Variants in KYNU observed in about 807,000 individuals in gnomAD.
KYNU encodes the protein L-kynurenine hydrolase.
In KYNU, 54 loss-of-function variants were observed where a neutral mutation model predicts 59.2. The ratio of observed to expected loss-of-function variants is 0.91; its 90% CI spans 0.73 to 1.14. The LOEUF (loss-of-function observed/expected upper bound fraction) is 1.14, where lower values mean the gene tolerates loss of function less well. Ranked by LOEUF, KYNU falls within the 50% of genes most tolerant of loss-of-function variation. The pLI is 0.00. For missense variants in KYNU, 567 were observed against 554.4 expected (o/e 1.02, Z -0.23); for synonymous variants, 177 against 192.0 (o/e 0.92, Z 0.65).
rs190283573 is a variant in KYNU, at chr2:142,959,692, C to A, written c.583-932C>A. ...TTTCAGCTCAAGTTGTTTGCAAGAC[C>A]AAATCTAAATTCATTCACAACCTTT... On this transcript the variant is annotated intron_variant, in intron 7 of 13. Coordinates refer to ENST00000264170, the MANE Select transcript of KYNU (RefSeq NM_003937.3). Among the ~76,000 whole-genome samples, 1,182 of 152,108 alleles carry A rather than the reference C, an allele frequency of 7.8e-3. 10 individuals are homozygous for A. The highest frequency in any genetic ancestry group is 0.02 in the Middle Eastern group (6 of 294).
At position 142,985,068 on chromosome 2, in the gene KYNU, T is replaced by G; in HGVS notation, c.730-16T>G. ...CATGAAGCAAACTTAAAGCTTATTA[T>G]TGTGTTCTTCCCTAGGGTTGTTATG... On this transcript the variant is annotated splice_polypyrimidine_tract_variant and intron_variant, in intron 8 of 13. Coordinates refer to ENST00000264170, the MANE Select transcript of KYNU (RefSeq NM_003937.3). The G allele has an allele frequency of 6.9e-7, 1 of 1,439,294 alleles. No individual in the cohort carries two copies. The highest frequency in any genetic ancestry group is 1.4e-5 in the African/African-American group (1 of 71,494). 89.2% of individuals were successfully genotyped at this position (1,439,294 alleles called of 1,614,324 possible).
intron 1 of KYNU, among the ~76,000 whole-genome samples, chr2:142,883,760 C>G (rs979391419): frequency 6.6e-6 from 1 of 152,190 alleles, no homozygotes; most frequent in African/African-American, 2.4e-5. Context: ...TGTCCCATTA[C>G]TCTGCTGTTT....
Position 142,975,628 on chromosome 2 carries a change from C to G in KYNU, c.730-9456C>G, listed in dbSNP as rs549012648. Among the ~76,000 whole-genome samples, 42 of 152,334 alleles carry G rather than the reference C, an allele frequency of 2.8e-4. 1 individual carries two copies. Among genetic ancestry groups the G allele is most frequent in the African/African-American group, 9.4e-4 (39 of 41,574 alleles). On this transcript the variant is annotated intron_variant, in intron 8 of 13. Coordinates refer to ENST00000264170, the MANE Select transcript of KYNU (RefSeq NM_003937.3). Reference sequence around the variant, plus strand: ...GCCCCAGCACACACTCGCCTGCATGCTCCCCCTCCCACAAGCAGCTGAGTA... The same window carrying G: ...GCCCCAGCACACACTCGCCTGCATGGTCCCCCTCCCACAAGCAGCTGAGTA...
At chr2:142,973,217 A>G (rs1684784471) in intron 8 of KYNU, among the ~76,000 whole-genome samples, 1 of 151,844 alleles carries the variant, frequency 6.6e-6, no homozygotes, top group South Asian at 2.1e-4. Context: ...TTTTCTTGGT[A>G]ATCTGAGACC....
At chr2:143,034,914 A>G (rs1686851726) in intron 12 of KYNU, among the ~76,000 whole-genome samples, 1 of 152,146 alleles carries the variant, frequency 6.6e-6, no homozygotes, top group Non-Finnish European at 1.5e-5. Context: ...AACTTCTCAG[A>G]CGTACCTGGA....
intron 12 of KYNU, among the ~76,000 whole-genome samples, chr2:143,034,819 G>C (rs1300101810): frequency 2.0e-5 from 3 of 152,208 alleles, no homozygotes; most frequent in Non-Finnish European, 4.4e-5. Flanking sequence ...AGCGAGATGT[G>C]TGACAATATC....
intron 4 of KYNU, among the ~76,000 whole-genome samples, chr2:142,946,725 AAACTT>A (rs1683793983): frequency 6.6e-6 from 1 of 152,206 alleles, no homozygotes; most frequent in Non-Finnish European, 1.5e-5. Context: ...ATATTGGCCT[AAACTT>A]AAAGTCATTA....
chr2:143,025,789 C>T (rs1401331645), intron 10 of KYNU, among the ~76,000 whole-genome samples: 2 of 152,042 alleles, frequency 1.3e-5, no homozygotes, highest in East Asian at 3.8e-4. Context: ...TTAAGTTTCT[C>T]ATAATGAATT....
At position 143,048,963 on chromosome 2, in the gene KYNU, A is replaced by G. The variant is rs1687215285; in HGVS notation, c.*6791A>G. 1 of 152,178 alleles carries G rather than the reference A, an allele frequency of 6.6e-6. No homozygotes were observed. Among genetic ancestry groups the G allele is most frequent in the Non-Finnish European group, 1.5e-5 (1 of 68,030 alleles). The allele number at this position is 152,178 out of a possible 1,614,324, so 9.4% of individuals were successfully genotyped here. A position where few individuals can be genotyped will look rare whatever the true frequency, so the allele number is the denominator to read the frequency against. On this transcript the variant is annotated 3_prime_UTR_variant, in exon 14 of 14. Coordinates refer to ENST00000264170, the MANE Select transcript of KYNU (RefSeq NM_003937.3). ...TTTGTCTTTAATGATCCGCATTTTTATTATGATGTGTCTAGGCAGTTATTA... is the reference window on the plus strand; with the variant it reads ...TTTGTCTTTAATGATCCGCATTTTTGTTATGATGTGTCTAGGCAGTTATTA...
chr2:143,049,337 T>A lies in KYNU; in HGVS notation c.*7165T>A, dbSNP rs949313561. On this transcript the variant is annotated 3_prime_UTR_variant, in exon 14 of 14. Coordinates refer to ENST00000264170, the MANE Select transcript of KYNU (RefSeq NM_003937.3). ...TAGTAGTGGACATTCTGGTTCCCCA[T>A]TGAGCTTCCCTGCATCAGCTGTTTT... 1 of 152,196 alleles carries A rather than the reference T, an allele frequency of 6.6e-6. No homozygotes were observed. Among genetic ancestry groups the A allele is most frequent in the Admixed American group, 6.5e-5 (1 of 15,268 alleles). 9.4% of individuals were successfully genotyped at this position (152,196 alleles called of 1,614,324 possible).
chr2:142,963,947 C>A (rs1431182574), intron 8 of KYNU, among the ~76,000 whole-genome samples: 2 of 152,232 alleles, frequency 1.3e-5, no homozygotes, highest in South Asian at 2.1e-4. Context: ...AATTTTTATT[C>A]TTTGAGCATT....
intron 10 of KYNU, among the ~76,000 whole-genome samples, chr2:143,024,226 G>A (rs1267189214): frequency 6.6e-6 from 1 of 151,868 alleles, no homozygotes; most frequent in Non-Finnish European, 1.5e-5. Flanking sequence ...ATTATGGATA[G>A]TGAGTAAAAC....
At chr2:143,002,934 A>G (rs1027405173) in intron 10 of KYNU, among the ~76,000 whole-genome samples, 2 of 152,210 alleles carry the variant, frequency 1.3e-5, no homozygotes, top group Non-Finnish European at 2.9e-5. Context: ...ATAATAGTCA[A>G]TGGCCCTATG....
intron 2 of KYNU, among the ~76,000 whole-genome samples, chr2:142,898,584 C>A (rs6755118): frequency 0.011 from 1,684 of 152,234 alleles, 30 homozygotes; most frequent in African/African-American, 0.038. Context: ...AACTCAAATA[C>A]CTAGCTAGTA....
At position 143,046,525 on chromosome 2, in the gene KYNU, CTTCT is replaced by C. The variant is rs982913686; in HGVS notation, c.*4354_*4357del. 6.9e-6 allele frequency: 1 copy of C among 144,122 alleles called. No homozygotes were observed. Among genetic ancestry groups the C allele is most frequent in the Non-Finnish European group, 1.6e-5 (1 of 63,544 alleles). The allele number at this position is 144,122 out of a possible 1,614,324, so 8.9% of individuals were successfully genotyped here. ...AGATAATTTATATTATTAATAATTC[CTTCT>C]ATTTCATAAGCCAGGTTTCTATATA... On this transcript the variant is annotated 3_prime_UTR_variant, in exon 14 of 14. Coordinates refer to ENST00000264170, the MANE Select transcript of KYNU (RefSeq NM_003937.3).
chr2:142,918,148 C>T (rs902145009), intron 2 of KYNU, among the ~76,000 whole-genome samples: 3 of 152,128 alleles, frequency 2.0e-5, no homozygotes, highest in South Asian at 4.1e-4. Context: ...AAATCCAGTA[C>T]ATCTACTTAA....
intron 8 of KYNU, 130 bp downstream of exon 8, chr2:142,960,900 A>AAAAG (rs2105099006): frequency 8.8e-7 from 1 of 1,133,430 alleles, no homozygotes; most frequent in Non-Finnish European, 1.3e-6. Flanking sequence ...TAAAAAAAAA[A>AAAAG]AGAGTAAACC....
chr2:142,906,459 C>T (rs188002354), intron 2 of KYNU, among the ~76,000 whole-genome samples: 4 of 152,190 alleles, frequency 2.6e-5, no homozygotes, highest in South Asian at 2.1e-4. Flanking sequence ...TGGTGGAGAA[C>T]GGGTCCCACA....
At chr2:143,038,198 A>T (rs950464495) in intron 12 of KYNU, among the ~76,000 whole-genome samples, 4 of 152,312 alleles carry the variant, frequency 2.6e-5, no homozygotes, top group Non-Finnish European at 4.4e-5. Context: ...ATATTAGGGC[A>T]CCCATAGCAT....
Sources: allele counts gnomAD v4.1 joint callset (sites outside exome capture counted in the v4.1 genomes callset), GRCh38; gene constraint gnomAD v4.1.1; transcripts MANE v1.5; gene names NCBI Gene and HGNC (gene_info 2026-07-23, HGNC 2026-07-21).